RALGPS1: variants seen among roughly 807,000 people sequenced by gnomAD.
RALGPS1 encodes Ral GEF with PH domain and SH3 binding motif 1, also known as ras-specific guanine nucleotide-releasing factor RalGPS1.
A neutral mutation model predicts 78.8 loss-of-function variants in RALGPS1; 19 were observed. That is an observed-to-expected ratio of 0.24 (90% confidence interval 0.17 to 0.35). The LOEUF is 0.35. RALGPS1 is among the 10% of genes least tolerant of loss of function. The pLI, the probability that RALGPS1 is intolerant of heterozygous loss-of-function variation, is 1.00. For missense variants in RALGPS1, 454 were observed against 688.3 expected (o/e 0.66, Z 3.81); for synonymous variants, 228 against 256.3 (o/e 0.89, Z 1.06).
At chr9:127,067,216 C>A (rs1335856783) in intron 7 of RALGPS1, among the ~76,000 whole-genome samples, 2 of 152,164 alleles carry the variant, frequency 1.3e-5, no homozygotes, top group East Asian at 3.9e-4. Context: ...TTTTAGCAGA[C>A]CAGTTAAGCA....
chr9:127,112,015 G>A (rs922591482), intron 8 of RALGPS1, among the ~76,000 whole-genome samples: 7 of 152,230 alleles, frequency 4.6e-5, no homozygotes, highest in Admixed American at 3.3e-4. Context: ...CTTCTCCAGT[G>A]AGGACCCTGG....
chr9:126,990,492 C>G (rs2042185981), intron 4 of RALGPS1, among the ~76,000 whole-genome samples: 1 of 152,210 alleles, frequency 6.6e-6, no homozygotes, highest in Non-Finnish European at 1.5e-5. Flanking sequence ...GTGAAATAGG[C>G]CAGCAGCAGA....
At chr9:126,990,759 T>C (rs10513472) in intron 4 of RALGPS1, among the ~76,000 whole-genome samples, 57,545 of 152,156 alleles carry the variant, frequency 0.38, 12,707 homozygotes, top group Non-Finnish European at 0.48. Context: ...TTTTAAAAGT[T>C]TGAATTATGA....
chr9:127,014,241 C>T (rs1050893650), intron 4 of RALGPS1, among the ~76,000 whole-genome samples: 1 of 152,226 alleles, frequency 6.6e-6, no homozygotes, highest in African/African-American at 2.4e-5. Flanking sequence ...AAAAGGTTTC[C>T]TCATACTTTT....
intron 1 of RALGPS1, among the ~76,000 whole-genome samples, chr9:126,952,326 G>A (rs903888577): frequency 4.6e-5 from 7 of 152,184 alleles, no homozygotes; most frequent in Admixed American, 3.3e-4. Context: ...ATGCTGAGTG[G>A]TGTAGTTTGA....
intron 10 of RALGPS1, among the ~76,000 whole-genome samples, chr9:127,172,395 A>G (rs1047659186): frequency 1.3e-5 from 2 of 152,210 alleles, no homozygotes; most frequent in African/African-American, 4.8e-5. Context: ...CAAAAGCTTC[A>G]TAAGAGAATG....
At chr9:127,161,487 C>A (rs1263411557) in intron 8 of RALGPS1, among the ~76,000 whole-genome samples, 1 of 152,206 alleles carries the variant, frequency 6.6e-6, no homozygotes, top group Non-Finnish European at 1.5e-5. Context: ...CACGTTCTCT[C>A]ACTTATACCA....
At chr9:127,180,153 A>G (rs192269841) in intron 11 of RALGPS1, among the ~76,000 whole-genome samples, 1 of 152,356 alleles carries the variant, frequency 6.6e-6, no homozygotes, top group East Asian at 1.9e-4. Flanking sequence ...CCTGGAGAGA[A>G]AAAAATCATA....
At chr9:127,210,617 G>A (rs1020486210) in intron 14 of RALGPS1, 1 of 1,089,614 alleles carries the variant, frequency 9.2e-7, no homozygotes, top group South Asian at 1.4e-5. Flanking sequence ...TGACTATGTT[G>A]TCGGGGTGCT....
intron 5 of RALGPS1, among the ~76,000 whole-genome samples, chr9:127,049,125 C>T (rs1244863062): frequency 6.6e-6 from 1 of 152,186 alleles, no homozygotes; most frequent in Non-Finnish European, 1.5e-5. Flanking sequence ...TCCCTATGCC[C>T]CGTGCTTTGC....
At chr9:127,125,006 C>A (rs1179579133) in intron 8 of RALGPS1, among the ~76,000 whole-genome samples, 2 of 152,094 alleles carry the variant, frequency 1.3e-5, no homozygotes, top group Non-Finnish European at 2.9e-5. Flanking sequence ...CCTCCCGCCC[C>A]ACTGGTGGCA....
At chr9:127,022,248 C>T (rs1264111618) in intron 4 of RALGPS1, among the ~76,000 whole-genome samples, 2 of 152,144 alleles carry the variant, frequency 1.3e-5, no homozygotes, top group African/African-American at 4.8e-5. Flanking sequence ...ACGGCCCATA[C>T]TGCCTCCTCC....
chr9:127,115,547 C>A (rs1378441062), intron 8 of RALGPS1, among the ~76,000 whole-genome samples: 1 of 152,174 alleles, frequency 6.6e-6, no homozygotes, highest in Non-Finnish European at 1.5e-5. Context: ...AAGGTTAGGT[C>A]GCTTGTTCAA....
chr9:126,981,096 T>C (rs371209077), intron 4 of RALGPS1, among the ~76,000 whole-genome samples: 58 of 152,252 alleles, frequency 3.8e-4, no homozygotes, highest in Middle Eastern at 3.4e-3. Flanking sequence ...TCTGTGCTTA[T>C]TAATGAGGAG....
intron 8 of RALGPS1, chr9:127,108,445 A>C (rs1448496307): frequency 6.2e-7 from 1 of 1,610,086 alleles, no homozygotes; most frequent in Non-Finnish European, 8.5e-7. Context: ...CTGCTTGAGC[A>C]GCTCATTGTT....
At chr9:127,132,588 C>T (rs2057084572) in intron 8 of RALGPS1, among the ~76,000 whole-genome samples, 1 of 152,204 alleles carries the variant, frequency 6.6e-6, no homozygotes, top group African/African-American at 2.4e-5. Context: ...AGGGGGTGCT[C>T]AGTCAGCATT....
intron 4 of RALGPS1, among the ~76,000 whole-genome samples, chr9:126,982,928 CTTTTT>C (rs71377984): frequency 2.9e-5 from 1 of 34,626 alleles, no homozygotes; most frequent in African/African-American, 7.5e-5. Flanking sequence ...TCTTCTTCTT[CTTTTT>C]TTTTTTTTTT....
chr9:127,194,940 A>C, intron 11 of RALGPS1, 151 bp from the exon 12 acceptor site: 23 of 819,634 alleles, frequency 2.8e-5, no homozygotes, highest in Non-Finnish European at 3.8e-5. Context: ...AGGAAGCTAC[A>C]GAGCTCATAT....
intron 1 of RALGPS1, among the ~76,000 whole-genome samples, chr9:126,916,225 T>C (rs1487709971): frequency 1.3e-5 from 2 of 152,202 alleles, no homozygotes; most frequent in African/African-American, 4.8e-5. Flanking sequence ...TAGACCACTG[T>C]CTTTTCGCAG....
Sources: gnomAD v4.1 joint callset for allele counts (sites outside exome capture counted in the v4.1 genomes callset) on GRCh38, gnomAD v4.1.1 for gene constraint, MANE v1.5 for transcripts, NCBI Gene and HGNC (gene_info 2026-07-23, HGNC 2026-07-21) for gene names.